Variants in SNTG2 observed in about 807,000 individuals in gnomAD.
The protein encoded by SNTG2 is syntrophin gamma 2.
In SNTG2, 74 loss-of-function variants were observed where a neutral mutation model predicts 70.9. That is an observed-to-expected ratio of 1.04 (90% confidence interval 0.86 to 1.27). SNTG2 has a LOEUF of 1.27. Among genes scored for constraint, SNTG2 ranks in the 50% most tolerant of loss-of-function variants. SNTG2 has a pLI of 0.00. For missense variants in SNTG2, 717 were observed against 690.7 expected (o/e 1.04, Z -0.43); for synonymous variants, 278 against 273.8 (o/e 1.02, Z -0.15).
At chr2:1,181,871 T>C (rs1425446529) in intron 8 of SNTG2, among the ~76,000 whole-genome samples, 1 of 152,182 alleles carries the variant, frequency 6.6e-6, no homozygotes, top group Non-Finnish European at 1.5e-5. Flanking sequence ...TACTATGCCA[T>C]TTTTGTCTCA....
intron 1 of SNTG2, among the ~76,000 whole-genome samples, chr2:1,018,350 C>T (rs994175565): frequency 6.6e-5 from 10 of 152,134 alleles, no homozygotes; most frequent in African/African-American, 2.4e-4. Flanking sequence ...CATTTACTGG[C>T]CACAATCGGC....
intron 1 of SNTG2, among the ~76,000 whole-genome samples, chr2:1,047,773 G>T (rs1455869663): frequency 6.6e-6 from 1 of 152,156 alleles, no homozygotes; most frequent in African/African-American, 2.4e-5. Flanking sequence ...AGTGTTCTGA[G>T]AGCATGGGCT....
At chr2:1,318,108 G>A (rs1681371453) in intron 16 of SNTG2, among the ~76,000 whole-genome samples, 1 of 152,176 alleles carries the variant, frequency 6.6e-6, no homozygotes, top group Non-Finnish European at 1.5e-5. Context: ...AGGTGACATT[G>A]TACTATTGAC....
intron 6 of SNTG2, among the ~76,000 whole-genome samples, chr2:1,155,952 G>T (rs994831616): frequency 6.6e-6 from 1 of 152,138 alleles, no homozygotes; most frequent in African/African-American, 2.4e-5. Context: ...AGCAGAGCAG[G>T]GCCAGCAGAC....
intron 6 of SNTG2, among the ~76,000 whole-genome samples, chr2:1,149,180 C>G (rs1380903692): frequency 6.9e-6 from 1 of 145,472 alleles, no homozygotes; most frequent in Non-Finnish European, 1.5e-5. Flanking sequence ...CATACATGTT[C>G]TTCTTGTCGG....
rs560672837 is a variant in SNTG2, at chr2:1,338,838, A to C, written c.1488+22463A>C. Reference sequence around the variant, plus strand: ...AATGGTGCAATGCACATTTACATGCAAGTATCTGTTCGAGTCCCTTTTTTA... The same window carrying C: ...AATGGTGCAATGCACATTTACATGCCAGTATCTGTTCGAGTCCCTTTTTTA... On this transcript the variant is annotated intron_variant, in intron 16 of 16. Transcript: ENST00000308624. Among the ~76,000 whole-genome samples the C allele has an allele frequency of 2.6e-5, 4 of 152,306 alleles. No individual in the cohort carries two copies. In the South Asian group the frequency reaches 8.3e-4, roughly 32 times the overall value.
intron 4 of SNTG2, among the ~76,000 whole-genome samples, chr2:1,131,867 G>C (rs1313882670): frequency 3.3e-5 from 5 of 151,926 alleles, no homozygotes; most frequent in Non-Finnish European, 7.4e-5. Flanking sequence ...AGCCAGGATG[G>C]TCTCGATCTC....
At chr2:1,152,844 C>G (rs1048444321) in intron 6 of SNTG2, among the ~76,000 whole-genome samples, 8 of 152,046 alleles carry the variant, frequency 5.3e-5, no homozygotes, top group African/African-American at 1.9e-4. Context: ...CTTCACAAGG[C>G]CAGGCATGGT....
At chr2:1,297,618 C>T (rs1273864662) in intron 14 of SNTG2, among the ~76,000 whole-genome samples, 1 of 152,210 alleles carries the variant, frequency 6.6e-6, no homozygotes, top group Non-Finnish European at 1.5e-5. Flanking sequence ...CAGCTCCTTC[C>T]CAGTGGCCCA....
chr2:1,156,791 G>A (rs938188246), intron 6 of SNTG2, among the ~76,000 whole-genome samples: 6 of 152,060 alleles, frequency 3.9e-5, no homozygotes, highest in Non-Finnish European at 8.8e-5. Flanking sequence ...CTGCCTGCGT[G>A]GGGGTAGGAA....
intron 8 of SNTG2, among the ~76,000 whole-genome samples, chr2:1,178,780 T>C (rs1398804084): frequency 6.6e-6 from 1 of 152,232 alleles, no homozygotes; most frequent in Non-Finnish European, 1.5e-5. Flanking sequence ...TTGTTGTGTC[T>C]CTGCCAGGCT....
intron 8 of SNTG2, among the ~76,000 whole-genome samples, chr2:1,199,755 A>T (rs1673163414): frequency 6.6e-6 from 1 of 152,004 alleles, no homozygotes; most frequent in South Asian, 2.1e-4. Flanking sequence ...AAATCAAGAC[A>T]CCAATCCCTT....
intron 2 of SNTG2, among the ~76,000 whole-genome samples, chr2:1,085,409 A>G (rs897948150): frequency 1.3e-5 from 2 of 152,226 alleles, no homozygotes; most frequent in South Asian, 2.1e-4. Flanking sequence ...AAATGGGCCT[A>G]TGCTCATAGG....
At chr2:1,131,489 G>T (rs138631248) in intron 4 of SNTG2, among the ~76,000 whole-genome samples, 1 of 152,102 alleles carries the variant, frequency 6.6e-6, no homozygotes, top group Non-Finnish European at 1.5e-5. Flanking sequence ...TCTACAGATC[G>T]TTAAAGTGAG....
chr2:952,330 AGG>A (rs1378016669), intron 1 of SNTG2, among the ~76,000 whole-genome samples: 1 of 152,214 alleles, frequency 6.6e-6, no homozygotes, highest in East Asian at 1.9e-4. Flanking sequence ...TCCCACGGTT[AGG>A]GATTGTGCAT....
intron 16 of SNTG2, among the ~76,000 whole-genome samples, chr2:1,318,215 G>T (rs560298122): frequency 2.2e-4 from 34 of 152,220 alleles, no homozygotes; most frequent in Non-Finnish European, 3.8e-4. Flanking sequence ...TTACTAAACT[G>T]AAAAATAAAT....
Position 951,075 on chromosome 2 carries a change from G to T in SNTG2, c.72+7G>T. 1 of 1,248,374 alleles carries T rather than the reference G, an allele frequency of 8.0e-7. No homozygotes were observed. Among genetic ancestry groups the T allele is most frequent in the Non-Finnish European group, 1.0e-6 (1 of 998,856 alleles). 77.3% of individuals were successfully genotyped at this position (1,248,374 alleles called of 1,614,324 possible). A position where few individuals can be genotyped will look rare whatever the true frequency, so the allele number is the denominator to read the frequency against. ...CCTGCTGGTACCTGCGCGGGTGAGTGCGGCCCCTCAGCGCCCCTTCACCTC... is the reference window on the plus strand; with the variant it reads ...CCTGCTGGTACCTGCGCGGGTGAGTTCGGCCCCTCAGCGCCCCTTCACCTC... On this transcript the variant is annotated splice_region_variant and intron_variant, in intron 1 of 16. Coordinates refer to ENST00000308624, the MANE Select transcript of SNTG2 (RefSeq NM_018968.4).
At position 1,196,336 on chromosome 2, in the gene SNTG2, AAAAAT is replaced by A. The variant is rs530328579; in HGVS notation, c.592-12762_592-12758del. On this transcript the variant is annotated intron_variant, in intron 8 of 16. Transcript: ENST00000308624. ...ATAACCCAGTCAGACAAACAAAAGAAAAAATAAAAAAGAATGAAGAAAACCTTTAT... is the reference window on the plus strand; with the variant it reads ...ATAACCCAGTCAGACAAACAAAAGAAAAAAAAGAATGAAGAAAACCTTTAT... Among the ~76,000 whole-genome samples, 68 of 152,314 alleles carry A rather than the reference AAAAAT, an allele frequency of 4.5e-4. 1 individual carries two copies. The highest frequency in any genetic ancestry group is 8.3e-4 in the South Asian group (4 of 4,826).
chr2:1,185,315 G>A lies in SNTG2; in HGVS notation c.591+12132G>A, dbSNP rs946213078. Among the ~76,000 whole-genome samples the A allele has an allele frequency of 4.9e-4, 74 of 152,296 alleles. 1 individual carries two copies. Among genetic ancestry groups the A allele is most frequent in the African/African-American group, 1.2e-3 (48 of 41,578 alleles). ...GTCTTCCAGGAACATGGTGCAAACT[G>A]TCAGTAGATCTATCATTCTGGGGTC... On this transcript the variant is annotated intron_variant, in intron 8 of 16. Coordinates refer to ENST00000308624, the MANE Select transcript of SNTG2 (RefSeq NM_018968.4).
Sources: gnomAD v4.1 joint callset for allele counts (sites outside exome capture counted in the v4.1 genomes callset) on GRCh38, gnomAD v4.1.1 for gene constraint, MANE v1.5 for transcripts, NCBI Gene and HGNC (gene_info 2026-07-23, HGNC 2026-07-21) for gene names.